ACAD9: variants seen among roughly 807,000 people sequenced by gnomAD.
ACAD9 encodes the protein complex I assembly factor ACAD9, mitochondrial.
ACAD9 carries 53 observed loss-of-function variants against 70.2 expected under a neutral mutation model. That is an observed-to-expected ratio of 0.75 (90% CI 0.61 to 0.95). The LOEUF is 0.95. Among genes scored for constraint, ACAD9 ranks in the 40% least tolerant of loss-of-function variants. The pLI is 0.00. For synonymous variants in ACAD9, 313 were observed against 312.1 expected (o/e 1.00, Z -0.03); for missense variants, 777 against 802.8 (o/e 0.97, Z 0.39).
rs768456215 is a variant in ACAD9 at position 128,879,691 on chromosome 3, C to T, written c.-1C>T. ...GCTGAGGCTGGGGAACATCGGGCAGCATGAGCGGCTGCGGGCTCTTCCTGC... is the reference window on the plus strand; with the variant it reads ...GCTGAGGCTGGGGAACATCGGGCAGTATGAGCGGCTGCGGGCTCTTCCTGC... On this transcript the variant is annotated 5_prime_UTR_variant, in exon 1 of 18. Transcript: ENST00000308982. The T allele has an allele frequency of 2.5e-6, 4 of 1,612,368 alleles. No homozygotes were observed. Among genetic ancestry groups the T allele is most frequent in the Admixed American group, 3.3e-5 (2 of 60,014 alleles).
At position 128,906,235 on chromosome 3, in the gene ACAD9, C is replaced by G; in HGVS notation, c.1264C>G (p.Leu422Val). The G allele has an allele frequency of 6.2e-7, 1 of 1,614,178 alleles. No homozygotes were observed. The highest frequency in any genetic ancestry group is 2.2e-5 in the East Asian group (1 of 44,870). Residue 422 changes from leucine to valine, a missense_variant, in exon 12 of 18, where the codon CTC becomes GTC. By Grantham distance (32) the Leu-to-Val change is conservative. Coordinates refer to ENST00000308982, the MANE Select transcript of ACAD9 (RefSeq NM_014049.5). Reference protein sequence around the residue: ...YERILRDTRILLIFEGTNEIL... With the variant: ...YERILRDTRIVLIFEGTNEIL... ...GCGCATACTGCGTGACACCCGCATCCTCCTCATCTTCGAGGTGAGTGGCCC... is the reference window on the plus strand; with the variant it reads ...GCGCATACTGCGTGACACCCGCATCGTCCTCATCTTCGAGGTGAGTGGCCC...
At chr3:128,910,601 A>G (rs1221223621) in intron 16 of ACAD9, 140 bp from the exon 17 acceptor site, 3 of 939,706 alleles carry the variant, frequency 3.2e-6, no homozygotes, top group Non-Finnish European at 5.2e-6. Context: ...TGGAATTAGA[A>G]CCCAAGACGG....
chr3:128,910,088 C>A lies in ACAD9; in HGVS notation c.1631C>A (p.Thr544Lys). Residue 544 changes from threonine (T) to lysine (K), a missense_variant, in exon 16 of 18, where the codon ACG (threonine) becomes AAG (lysine). Transcript: ENST00000308982. ...ANILINLYGM[T>K]AVLSRASRSI... The stretch of plus-strand genomic sequence containing the variant: ...ATCCTCATCAACCTGTATGGCATGA[C>A]GGCCGTGCTGTCGCGGGCCAGCCGC... 6.2e-7 allele frequency: 1 copy of A among 1,613,902 alleles called. No homozygotes were observed. The highest frequency in any genetic ancestry group is 8.5e-7 in the Non-Finnish European group (1 of 1,179,986).
intron 11 of ACAD9, among the ~76,000 whole-genome samples, chr3:128,905,851 G>C (rs1424693706): frequency 6.6e-6 from 1 of 152,192 alleles, no homozygotes; most frequent in Non-Finnish European, 1.5e-5. Flanking sequence ...GGGAAGGGGA[G>C]ATCTTAGGTG....
intron 2 of ACAD9, among the ~76,000 whole-genome samples, chr3:128,887,619 A>G (rs866509174): frequency 1.0e-4 from 13 of 127,508 alleles, no homozygotes; most frequent in African/African-American, 4.4e-4. Context: ...AAAAAAAAAT[A>G]AAAATAAAAA....
chr3:128,911,035 ATGTG>A (rs375679286), intron 17 of ACAD9, among the ~76,000 whole-genome samples: 3 of 151,968 alleles, frequency 2.0e-5, no homozygotes, highest in Admixed American at 1.3e-4. Flanking sequence ...GTATGTATAT[ATGTG>A]TGTGTGTGTA....
chr3:128,890,244 C>G (rs769145988), intron 2 of ACAD9, among the ~76,000 whole-genome samples: 40 of 152,096 alleles, frequency 2.6e-4, no homozygotes, highest in Non-Finnish European at 4.7e-4. Context: ...GCCACCACAT[C>G]TGGCTAATTT....
chr3:128,911,832 C>G (rs1241631984), intron 17 of ACAD9, among the ~76,000 whole-genome samples: 1 of 152,240 alleles, frequency 6.6e-6, no homozygotes, highest in Non-Finnish European at 1.5e-5. Context: ...TTTACCTGCC[C>G]CTTTACCCAC....
intron 17 of ACAD9, among the ~76,000 whole-genome samples, chr3:128,912,165 C>T (rs918075261): frequency 4.6e-5 from 7 of 152,304 alleles, no homozygotes; most frequent in Admixed American, 1.3e-4. Context: ...GACACCCCCC[C>T]AGTGCTGACA....
At chr3:128,885,341 A>T (rs1233357220) in intron 2 of ACAD9, among the ~76,000 whole-genome samples, 1 of 152,220 alleles carries the variant, frequency 6.6e-6, no homozygotes, top group African/African-American at 2.4e-5. Context: ...GCTTTTGTTT[A>T]TATGAATTTT....
At chr3:128,898,770 T>C (rs1935645196) in intron 6 of ACAD9, among the ~76,000 whole-genome samples, 1 of 151,948 alleles carries the variant, frequency 6.6e-6, no homozygotes, top group Non-Finnish European at 1.5e-5. Flanking sequence ...TTTAACTGTT[T>C]GCTTGAATTA....
Position 128,906,010 on chromosome 3 carries a change from C to T in ACAD9, c.1150-111C>T, listed in dbSNP as rs1935876978. On this transcript the variant is annotated intron_variant, in intron 11 of 17. Transcript: ENST00000308982. ...TGACCACATCACCCCTCAAGTTCCTCCCTGGCCGATCTCCTCCCCAAGCCC... is the reference window on the plus strand; with the variant it reads ...TGACCACATCACCCCTCAAGTTCCTTCCTGGCCGATCTCCTCCCCAAGCCC... 8 of 1,483,906 alleles carry T rather than the reference C, an allele frequency of 5.4e-6. No homozygotes were observed. In the South Asian group the frequency reaches 5.7e-5, roughly 11 times the overall value. The allele number at this position is 1,483,906 out of a possible 1,614,324, so 91.9% of individuals were successfully genotyped here. A position where few individuals can be genotyped will look rare whatever the true frequency, so the allele number is the denominator to read the frequency against.
At position 128,884,599 on chromosome 3, in the gene ACAD9, G is replaced by A. The variant is rs149538775; in HGVS notation, c.151-54G>A. 4.0e-4 allele frequency: 527 copies of A among 1,305,650 alleles called. 1 individual carries two copies. The African/African-American group carries it at 7.0e-3, about 17-fold the overall frequency. The allele number at this position is 1,305,650 out of a possible 1,614,324, so 80.9% of individuals were successfully genotyped here. Reference sequence around the variant, plus strand: ...TCCTTCCCTTTTAACTGATATTTCCGTGATGGGAGTGTGCTAAAAATTAAA... The same window carrying A: ...TCCTTCCCTTTTAACTGATATTTCCATGATGGGAGTGTGCTAAAAATTAAA... On this transcript the variant is annotated intron_variant, in intron 1 of 17. Coordinates refer to ENST00000308982, the MANE Select transcript of ACAD9 (RefSeq NM_014049.5).
chr3:128,889,166 TAAAA>T (rs567559276), intron 2 of ACAD9, among the ~76,000 whole-genome samples: 1 of 141,858 alleles, frequency 7.0e-6, no homozygotes, highest in African/African-American at 2.6e-5. Context: ...TTGTTTTCCT[TAAAA>T]AAAAAAAAAC....
rs1306590694 is a variant in ACAD9 at position 128,910,832 on chromosome 3, G to A, written c.1765+19G>A. 1 of 1,613,922 alleles carries A rather than the reference G, an allele frequency of 6.2e-7. No individual in the cohort carries two copies. Among genetic ancestry groups the A allele is most frequent in the South Asian group, 1.1e-5 (1 of 91,072 alleles). ...GACAAGTGTGAGTGGCATGTCTTGG[G>A]GGAGGGAAGGAAGGGCCCACTTCTA... is the stretch of plus-strand genomic sequence containing the variant. On this transcript the variant is annotated intron_variant, in intron 17 of 17. Coordinates refer to ENST00000308982, the MANE Select transcript of ACAD9 (RefSeq NM_014049.5).
intron 6 of ACAD9, among the ~76,000 whole-genome samples, chr3:128,898,798 A>G (rs1475596171): frequency 6.6e-6 from 1 of 152,054 alleles, no homozygotes; most frequent in Non-Finnish European, 1.5e-5. Context: ...CACAAGTCCC[A>G]TCTGTTGCTG....
chr3:128,912,745 CGCCTG>C lies in ACAD9; in HGVS notation c.*145_*149del. 1.2e-6 allele frequency: 1 copy of C among 855,404 alleles called. No individual in the cohort carries two copies. The highest frequency in any genetic ancestry group is 2.5e-5 in the East Asian group (1 of 40,754). 53.0% of individuals were successfully genotyped at this position (855,404 alleles called of 1,614,324 possible). On this transcript the variant is annotated 3_prime_UTR_variant, in exon 18 of 18. Transcript: ENST00000308982. ...TCCCCGTCTGCACCTGAAGGGTTGT[CGCCTG>C]GCCTGGGAGAGCCTCTTCCAGGTTT...
Position 128,893,655 on chromosome 3 carries a change from T to C in ACAD9, c.345T>C (p.Tyr115=). ...GLFGLQVPEE[Y]GGLGFSNTMY... is the part of the protein sequence containing the mutation. ...TTGGGCTGCAAGTCCCAGAAGAATA[T>C]GGTAAGTCAAGCAAACAAGCACCCA... Residue 115 remains tyrosine, a splice_region_variant and synonymous_variant, in exon 3 of 18, where the codon TAT becomes TAC. Coordinates refer to ENST00000308982, the MANE Select transcript of ACAD9 (RefSeq NM_014049.5). 1 of 1,613,412 alleles carries C rather than the reference T, an allele frequency of 6.2e-7. No individual in the cohort carries two copies. The highest frequency in any genetic ancestry group is 8.5e-7 in the Non-Finnish European group (1 of 1,179,372).
rs1287140462 is a variant in ACAD9, at chr3:128,909,005, T to C, written c.1391T>C (p.Met464Thr). The C allele has an allele frequency of 8.1e-6, 13 of 1,614,056 alleles. No homozygotes were observed. Among genetic ancestry groups the C allele is most frequent in the Middle Eastern group, 1.6e-4 (1 of 6,084 alleles). ...AAACAGGCCAAAGTGAGCACAGTCA[T>C]GGATACCGTTGGCCGGAGGCTTCGG... Reference protein sequence around the residue: ...ELKQAKVSTVMDTVGRRLRDS... With the variant: ...ELKQAKVSTVTDTVGRRLRDS... Residue 464 changes from methionine (M) to threonine (T), a missense_variant, in exon 14 of 18, where the codon ATG (methionine) becomes ACG (threonine). Coordinates refer to ENST00000308982, the MANE Select transcript of ACAD9 (RefSeq NM_014049.5).
Sources: gnomAD v4.1 joint callset for allele counts (sites outside exome capture counted in the v4.1 genomes callset) on GRCh38, gnomAD v4.1.1 for gene constraint, MANE v1.5 for transcripts, NCBI Gene and HGNC (gene_info 2026-07-23, HGNC 2026-07-21) for gene names.